The following CNTN4 variants were observed in gnomAD, a reference collection of about 807,000 sequenced individuals.
The protein encoded by CNTN4 is contactin-4.
A neutral mutation model predicts 122.5 loss-of-function variants in CNTN4; 77 were observed. The observed-to-expected ratio is 0.63, with a 90% CI of 0.52 to 0.76. CNTN4 has a LOEUF of 0.76. CNTN4 is among the 30% of genes least tolerant of loss of function. The probability of loss-of-function intolerance (pLI) is 0.00; values close to 1 mark genes in which losing one functional copy is unlikely to be tolerated. For synonymous variants in CNTN4, 512 were observed against 447.0 expected (o/e 1.15, Z -1.83); for missense variants, 1,256 against 1,259.1 (o/e 1.00, Z 0.04).
intron 4 of CNTN4, among the ~76,000 whole-genome samples, chr3:2,693,285 C>CCCAGATATA (rs1272446670): frequency 6.6e-6 from 1 of 152,008 alleles, no homozygotes; most frequent in Non-Finnish European, 1.5e-5. Context: ...CAACGAAATC[C>CCCAGATATA]CCAGATATAT....
At chr3:2,363,222 T>A (rs959214747) in intron 3 of CNTN4, among the ~76,000 whole-genome samples, 1 of 152,192 alleles carries the variant, frequency 6.6e-6, no homozygotes, top group African/African-American at 2.4e-5. Context: ...GAAAATAAAC[T>A]AGTATTTTTC....
chr3:2,331,409 G>A (rs919340407), intron 2 of CNTN4, among the ~76,000 whole-genome samples: 3 of 152,164 alleles, frequency 2.0e-5, no homozygotes, highest in Non-Finnish European at 1.5e-5. Flanking sequence ...TACATTGTGG[G>A]GTGCTTAGCA....
At chr3:2,251,391 G>A (rs148066021) in intron 2 of CNTN4, among the ~76,000 whole-genome samples, 2 of 151,990 alleles carry the variant, frequency 1.3e-5, no homozygotes, top group East Asian at 1.9e-4. Flanking sequence ...TCTAATTTTT[G>A]TGTTCTCATT....
chr3:2,767,942 G>A lies in CNTN4; in HGVS notation c.358+22245G>A, dbSNP rs533006716. On this transcript the variant is annotated intron_variant, in intron 6 of 24. Coordinates refer to ENST00000418658, the MANE Select transcript of CNTN4 (RefSeq NM_175607.3). ...TTAAAATATTGTCACATAGCAGTGG[G>A]CGTGTAAGGTCATCTGCTGTTTGCC... Among the ~76,000 whole-genome samples the A allele has an allele frequency of 6.6e-5, 10 of 152,302 alleles. No individual in the cohort carries two copies. In the South Asian group the frequency reaches 2.1e-3, roughly 32 times the overall value.
intron 2 of CNTN4, among the ~76,000 whole-genome samples, chr3:2,211,619 T>C (rs1367798323): frequency 1.3e-5 from 2 of 152,212 alleles, no homozygotes; most frequent in African/African-American, 4.8e-5. Flanking sequence ...TACCAACTAC[T>C]AATGAGGAAT....
chr3:3,013,875 T>C (rs1697473850), intron 14 of CNTN4, among the ~76,000 whole-genome samples: 1 of 152,032 alleles, frequency 6.6e-6, no homozygotes, highest in Admixed American at 6.6e-5. Context: ...CCCTAGGGAG[T>C]TGGCATGTGT....
intron 2 of CNTN4, among the ~76,000 whole-genome samples, chr3:2,319,628 A>G (rs1320701675): frequency 6.6e-6 from 1 of 152,172 alleles, no homozygotes; most frequent in Non-Finnish European, 1.5e-5. Context: ...GATTTTCTTA[A>G]TAACATTTCT....
rs578219775 is a variant in CNTN4 at position 2,602,270 on chromosome 3, G to T, written c.55+30712G>T. 1.5e-3 allele frequency among the ~76,000 whole-genome samples: 235 copies of T among 152,218 alleles called. 2 individuals are homozygous for T. Among genetic ancestry groups the T allele is most frequent in the African/African-American group, 5.4e-3 (225 of 41,544 alleles). On this transcript the variant is annotated intron_variant, in intron 4 of 24. Coordinates refer to ENST00000418658, the MANE Select transcript of CNTN4 (RefSeq NM_175607.3). The stretch of plus-strand genomic sequence containing the variant: ...CAATCAGGCAGGAGAAAGAAATAAA[G>T]GGTATTCAATTAGGAAAAGATGTAG...
At chr3:2,575,936 A>C (rs1001921036) in intron 4 of CNTN4, among the ~76,000 whole-genome samples, 2 of 148,254 alleles carry the variant, frequency 1.3e-5, no homozygotes, top group Non-Finnish European at 3.0e-5. Context: ...ATTCTCCTGC[A>C]TCAGCCTCCC....
chr3:2,950,285 G>C (rs927481165), intron 13 of CNTN4, among the ~76,000 whole-genome samples: 1 of 151,870 alleles, frequency 6.6e-6, no homozygotes, highest in Non-Finnish European at 1.5e-5. Context: ...GGCTGCCTTT[G>C]TGCAAACTCA....
intron 3 of CNTN4, among the ~76,000 whole-genome samples, chr3:2,433,874 A>T (rs1481204315): frequency 6.6e-6 from 1 of 152,146 alleles, no homozygotes. Context: ...ATGAACTTGG[A>T]GGACATTATG....
intron 6 of CNTN4, among the ~76,000 whole-genome samples, chr3:2,814,899 T>A (rs1294169331): frequency 6.6e-6 from 1 of 152,238 alleles, no homozygotes; most frequent in Non-Finnish European, 1.5e-5. Context: ...CCACATGGTA[T>A]GACTGCAATA....
chr3:2,921,958 A>G (rs1422497071), intron 12 of CNTN4, among the ~76,000 whole-genome samples: 1 of 152,238 alleles, frequency 6.6e-6, no homozygotes, highest in Non-Finnish European at 1.5e-5. Context: ...CTCATAGATA[A>G]TCTAATAAAG....
At chr3:2,564,031 T>C (rs1459000589) in intron 3 of CNTN4, among the ~76,000 whole-genome samples, 1 of 152,224 alleles carries the variant, frequency 6.6e-6, no homozygotes, top group Non-Finnish European at 1.5e-5. Flanking sequence ...TATTTGTGTA[T>C]TCCTGTCTGT....
intron 3 of CNTN4, among the ~76,000 whole-genome samples, chr3:2,382,227 T>A (rs2046054091): frequency 6.6e-6 from 1 of 151,520 alleles, no homozygotes; most frequent in Admixed American, 6.6e-5. Flanking sequence ...TGGAGTGCAG[T>A]GGCGCGATCT....
intron 2 of CNTN4, among the ~76,000 whole-genome samples, chr3:2,293,318 T>A (rs1313207351): frequency 6.6e-6 from 1 of 152,200 alleles, no homozygotes; most frequent in Admixed American, 6.5e-5. Context: ...ATGAGATAAA[T>A]TTAGCACAGT....
intron 3 of CNTN4, among the ~76,000 whole-genome samples, chr3:2,549,790 G>A (rs1267507853): frequency 1.3e-5 from 2 of 152,106 alleles, no homozygotes; most frequent in African/African-American, 4.8e-5. Flanking sequence ...GCTCCTCTTT[G>A]TACCTCTGGT....
At chr3:2,990,299 G>A (rs973618482) in intron 14 of CNTN4, among the ~76,000 whole-genome samples, 8 of 152,124 alleles carry the variant, frequency 5.3e-5, no homozygotes, top group Admixed American at 2.0e-4. Context: ...ATGGATATGC[G>A]TGTATTCTAA....
At chr3:2,877,809 A>G (rs912867953) in intron 8 of CNTN4, among the ~76,000 whole-genome samples, 2 of 152,164 alleles carry the variant, frequency 1.3e-5, no homozygotes, top group Non-Finnish European at 2.9e-5. Flanking sequence ...TGATAAATGC[A>G]CTCTTATTTT....
Sources: gnomAD v4.1 joint callset for allele counts (sites outside exome capture counted in the v4.1 genomes callset) on GRCh38, gnomAD v4.1.1 for gene constraint, MANE v1.5 for transcripts, NCBI Gene and HGNC (gene_info 2026-07-23, HGNC 2026-07-21) for gene names.